Variants in RIMBP2 observed in about 807,000 individuals in gnomAD.
The protein encoded by RIMBP2 is RIMS-binding protein 2.
Under a neutral mutation model 118.6 loss-of-function variants are expected in RIMBP2, and 48 were observed. The ratio of observed to expected loss-of-function variants is 0.40; its 90% CI spans 0.32 to 0.51. The LOEUF (loss-of-function observed/expected upper bound fraction) is 0.51. Ranked by LOEUF, RIMBP2 falls within the 20% of genes least tolerant of loss-of-function variation. The probability of loss-of-function intolerance (pLI) is 0.41; values close to 1 mark genes in which losing one functional copy is unlikely to be tolerated. For missense variants in RIMBP2, 1,551 were observed against 1,768.3 expected, an observed-to-expected ratio of 0.88 and a Z score of 2.20; for synonymous variants, 762 against 742.9, an observed-to-expected ratio of 1.03 and a Z score of -0.42.
chr12:130,610,851 C>T (rs1419746400), intron 2 of RIMBP2, among the ~76,000 whole-genome samples: 3 of 152,126 alleles, frequency 2.0e-5, no homozygotes, highest in Admixed American at 1.3e-4. Flanking sequence ...TGAGCCACCG[C>T]GCCCGGCCAT....
intron 6 of RIMBP2, among the ~76,000 whole-genome samples, chr12:130,467,936 G>T (rs2080645242): frequency 6.6e-6 from 1 of 152,202 alleles, no homozygotes; most frequent in South Asian, 2.1e-4. Flanking sequence ...GTGTGCTCAG[G>T]CATTTTATGT....
rs1263387966 is a variant in RIMBP2 at position 130,422,073 on chromosome 12, G to A, written c.3238+380C>T. On this transcript the variant is annotated intron_variant, in intron 17 of 22. Coordinates refer to ENST00000690449, the MANE Select transcript of RIMBP2 (RefSeq NM_001393629.1). The surrounding 1 kb of genome is among the most constrained non-coding windows in gnomAD (Gnocchi z 5.2). The stretch of plus-strand genomic sequence containing the variant: ...AGACAGGCAGCATTCCCTCGGGTGG[G>A]GCTCACAGACCCCTGAGGCACGCTG... Among the ~76,000 whole-genome samples the A allele has an allele frequency of 6.6e-6, 1 of 152,092 alleles. No individual in the cohort carries two copies. Among genetic ancestry groups the A allele is most frequent in the Non-Finnish European group, 1.5e-5 (1 of 68,010 alleles).
chr12:130,680,713 G>A (rs2064741336), intron 1 of RIMBP2, among the ~76,000 whole-genome samples: 1 of 152,182 alleles, frequency 6.6e-6, no homozygotes, highest in African/African-American at 2.4e-5. Context: ...CCATCTGGTG[G>A]GTAGGGGCCA....
intron 1 of RIMBP2, among the ~76,000 whole-genome samples, chr12:130,677,349 C>T (rs184649207): frequency 5.7e-4 from 87 of 152,198 alleles, no homozygotes; most frequent in Non-Finnish European, 2.8e-4. Flanking sequence ...TCTTTAGGGC[C>T]GGGTGCAGTG....
intron 1 of RIMBP2, among the ~76,000 whole-genome samples, chr12:130,657,426 G>C (rs1044308456): frequency 6.6e-6 from 1 of 152,254 alleles, no homozygotes; most frequent in Non-Finnish European, 1.5e-5. Context: ...CAGGCTCCCA[G>C]CCGGAAGCAG....
chr12:130,576,106 G>A lies in RIMBP2; in HGVS notation c.-217+52216C>T, dbSNP rs149189917. ...GCAGGGAGGCTGGTGCGGGGGGACC[G>A]TTAGGCAAAGGGGCTGCGGACAGGT... On this transcript the variant is annotated intron_variant, in intron 2 of 22. Coordinates refer to ENST00000690449, the MANE Select transcript of RIMBP2 (RefSeq NM_001393629.1). This position sits in a 1 kb window ranked among gnomAD's most constrained non-coding sequence, Gnocchi z 4.2. 1.3e-4 allele frequency among the ~76,000 whole-genome samples: 20 copies of A among 152,068 alleles called. No homozygotes were observed. The highest frequency in any genetic ancestry group is 2.7e-4 in the African/African-American group (11 of 41,480).
chr12:130,408,947 G>A (rs1158123606), intron 19 of RIMBP2, among the ~76,000 whole-genome samples: 3 of 152,194 alleles, frequency 2.0e-5, no homozygotes, highest in Non-Finnish European at 4.4e-5. Context: ...AGCCACTGCT[G>A]TAGTTTACAG....
At chr12:130,456,185 C>A (rs1566070401) in intron 7 of RIMBP2, among the ~76,000 whole-genome samples, 2 of 152,194 alleles carry the variant, frequency 1.3e-5, no homozygotes, top group Non-Finnish European at 2.9e-5. Context: ...GGGTTCAAAT[C>A]CCAGACTGAG....
intron 1 of RIMBP2, among the ~76,000 whole-genome samples, chr12:130,695,018 A>G (rs1382561511): frequency 6.6e-6 from 1 of 152,222 alleles, no homozygotes; most frequent in African/African-American, 2.4e-5. Flanking sequence ...TGTCGCTCCC[A>G]TTATGAACGC....
intron 1 of RIMBP2, among the ~76,000 whole-genome samples, chr12:130,669,699 G>A (rs564675954): frequency 1.3e-5 from 2 of 152,304 alleles, no homozygotes; most frequent in African/African-American, 4.8e-5. Flanking sequence ...TCTTGGGTAT[G>A]TCTTCATTGC....
intron 2 of RIMBP2, among the ~76,000 whole-genome samples, chr12:130,529,272 G>A (rs1329961413): frequency 2.0e-5 from 3 of 151,860 alleles, no homozygotes; most frequent in Admixed American, 6.6e-5. Flanking sequence ...GCTGATTCAC[G>A]CTACAACAGG....
intron 2 of RIMBP2, among the ~76,000 whole-genome samples, chr12:130,549,630 T>C (rs975431598): frequency 2.6e-5 from 4 of 152,244 alleles, no homozygotes; most frequent in African/African-American, 9.6e-5. Flanking sequence ...CTTCCTGTGT[T>C]AGTTCGCTGA....
At chr12:130,676,932 A>T (rs533818142) in intron 1 of RIMBP2, among the ~76,000 whole-genome samples, 32 of 152,194 alleles carry the variant, frequency 2.1e-4, no homozygotes, top group Non-Finnish European at 3.7e-4. Flanking sequence ...CCTGTGGCTT[A>T]GTCATGTGGG....
At position 130,437,216 on chromosome 12, in the gene RIMBP2, C is replaced by T. The variant is rs1191016343; in HGVS notation, c.1732G>A (p.Gly578Ser). 1 of 1,585,082 alleles carries T rather than the reference C, an allele frequency of 6.3e-7. No individual in the cohort carries two copies. The highest frequency in any genetic ancestry group is 8.5e-7 in the Non-Finnish European group (1 of 1,169,980). ...GCGGAGAGGGTCCGCACGGTCACGC[C>T]CTTGGCCTCCAGGCTCCGCAGCCGC... The part of the protein sequence containing the change: ...LVRLRSLEAK[G>S]VTVRTLSAQG... Residue 578 changes from glycine (G) to serine (S), a missense_variant, in exon 13 of 23, where the codon GGC becomes AGC. By Grantham distance (56) the Gly-to-Ser change is moderately conservative (BLOSUM62 0). Transcript: ENST00000690449.
At chr12:130,568,617 T>C (rs576878231) in intron 2 of RIMBP2, among the ~76,000 whole-genome samples, 1 of 152,352 alleles carries the variant, frequency 6.6e-6, no homozygotes, top group African/African-American at 2.4e-5. Flanking sequence ...TGAAAGTCTC[T>C]GCCAGATGAA....
At chr12:130,712,159 G>A (rs369627159) in intron 1 of RIMBP2, among the ~76,000 whole-genome samples, 3 of 152,230 alleles carry the variant, frequency 2.0e-5, no homozygotes, top group East Asian at 1.9e-4. Flanking sequence ...ATTCCTGTAC[G>A]TGTCTGTAGA....
At chr12:130,658,797 C>G (rs2063533506) in intron 1 of RIMBP2, 1 of 152,342 alleles carries the variant, frequency 6.6e-6, no homozygotes, top group Non-Finnish European at 1.5e-5. Flanking sequence ...GTCCTGTATC[C>G]CAGAAGAATG....
At chr12:130,423,857 C>A (rs779072994) in intron 16 of RIMBP2, among the ~76,000 whole-genome samples, 1 of 151,964 alleles carries the variant, frequency 6.6e-6, no homozygotes, top group Admixed American at 6.6e-5. Context: ...TTCAGCTAAC[C>A]CTTAATTAAA....
chr12:130,489,230 A>G (rs1352165607), intron 4 of RIMBP2, among the ~76,000 whole-genome samples: 1 of 152,192 alleles, frequency 6.6e-6, no homozygotes, highest in African/African-American at 2.4e-5. Context: ...TTTACAGCCT[A>G]CATATAAGCA....
Sources: allele counts gnomAD v4.1 joint callset (sites outside exome capture counted in the v4.1 genomes callset), GRCh38; gene constraint gnomAD v4.1.1; non-coding constraint Gnocchi (gnomAD v3.1); transcripts MANE v1.5; gene names NCBI Gene and HGNC (gene_info 2026-07-23, HGNC 2026-07-21).